The following PCDHA10 variants were observed in gnomAD, a reference collection of about 807,000 sequenced individuals.
PCDHA10 encodes the protein protocadherin alpha-10.
Under a neutral mutation model 61.2 loss-of-function variants are expected in PCDHA10, and 45 were observed. The ratio of observed to expected loss-of-function variants is 0.74; its 90% CI spans 0.58 to 0.94. The LOEUF (loss-of-function observed/expected upper bound fraction) is 0.94, where lower values mean the gene tolerates loss of function less well. PCDHA10 is among the 40% of genes least tolerant of loss of function. The pLI, the probability that PCDHA10 is intolerant of heterozygous loss-of-function variation, is 0.00. For synonymous variants in PCDHA10, 602 were observed against 548.8 expected (o/e 1.10, Z -1.35); for missense variants, 1,278 against 1,236.2 (o/e 1.03, Z -0.51).
chr5:140,944,807 A>T (rs1472832230), intron 1 of PCDHA10, among the ~76,000 whole-genome samples: 1 of 152,214 alleles, frequency 6.6e-6, no homozygotes, highest in Non-Finnish European at 1.5e-5. Context: ...TCGAGGGTCC[A>T]CAGTGATCTT....
At chr5:140,969,982 G>A (rs1327490843) in intron 1 of PCDHA10, among the ~76,000 whole-genome samples, 1 of 152,184 alleles carries the variant, frequency 6.6e-6, no homozygotes, top group Non-Finnish European at 1.5e-5. Context: ...CAACTCTTCT[G>A]TAGAGGGCTG....
At chr5:140,992,486 A>G (rs2097515048) in intron 3 of PCDHA10, among the ~76,000 whole-genome samples, 1 of 152,182 alleles carries the variant, frequency 6.6e-6, no homozygotes, top group Non-Finnish European at 1.5e-5. Flanking sequence ...CCAGAGGCCA[A>G]TCTGTAAGGA....
intron 1 of PCDHA10, chr5:140,884,671 A>G (rs1554181819): frequency 1.3e-6 from 2 of 1,562,846 alleles, no homozygotes; most frequent in African/African-American, 2.7e-5. Context: ...AGGTAAGCTT[A>G]TATTTTAAAA....
chr5:140,883,297 A>G (rs782572580), intron 1 of PCDHA10: 2 of 1,614,132 alleles, frequency 1.2e-6, no homozygotes, highest in Non-Finnish European at 1.7e-6. Flanking sequence ...TACTAGATGT[A>G]AATGATAACG....
intron 1 of PCDHA10, among the ~76,000 whole-genome samples, chr5:140,925,953 C>T (rs1438087673): frequency 1.3e-5 from 2 of 152,090 alleles, no homozygotes; most frequent in Non-Finnish European, 2.9e-5. Context: ...GAAGGAGAAA[C>T]TGCTATCACG....
intron 1 of PCDHA10, chr5:140,876,542 T>C (rs782388773): frequency 5.0e-6 from 8 of 1,614,194 alleles, no homozygotes; most frequent in Non-Finnish European, 5.9e-6. Flanking sequence ...TCACTGTCGC[T>C]CCCTGTGCAA....
chr5:141,007,653 C>T (rs373127730), intron 3 of PCDHA10, among the ~76,000 whole-genome samples: 1 of 152,126 alleles, frequency 6.6e-6, no homozygotes, highest in African/African-American at 2.4e-5. Context: ...GCCTAAAAAA[C>T]CATAAATTTA....
intron 1 of PCDHA10, among the ~76,000 whole-genome samples, chr5:140,974,018 T>C (rs2096611642): frequency 1.3e-5 from 2 of 152,222 alleles, no homozygotes; most frequent in Non-Finnish European, 1.5e-5. Context: ...CATGTGATAA[T>C]ACAACTATAA....
At chr5:140,883,705 T>G (rs251380) in intron 1 of PCDHA10, 1,065,865 of 1,613,504 alleles carry the variant, frequency 0.66, 353,266 homozygotes, top group Middle Eastern at 0.71. Flanking sequence ...CGGTGTCTGC[T>G]CAGGACGCGG....
intron 1 of PCDHA10, among the ~76,000 whole-genome samples, chr5:140,942,026 A>G (rs1394001505): frequency 6.6e-6 from 1 of 152,194 alleles, no homozygotes; most frequent in Non-Finnish European, 1.5e-5. Flanking sequence ...GGAAAAAATA[A>G]TTCATAAACC....
Position 140,858,024 on chromosome 5 carries a change from C to G in PCDHA10, c.1976C>G (p.Thr659Arg). 6.3e-7 allele frequency: 1 copy of G among 1,596,700 alleles called. No individual in the cohort carries two copies. The highest frequency in any genetic ancestry group is 8.6e-7 in the Non-Finnish European group (1 of 1,167,012). The part of the protein sequence containing the change: ...LVKDHGEPSL[T>R]ATATVLVSLV... The stretch of plus-strand genomic sequence containing the variant: ...AAGGACCATGGCGAGCCGTCGCTGA[C>G]GGCCACGGCCACTGTGCTTGTGTCG... Residue 659 changes from threonine to arginine, a missense_variant, in exon 1 of 4, where the codon ACG (threonine) becomes AGG (arginine). Thr to Arg is a moderately conservative substitution (Grantham distance 71). Coordinates refer to ENST00000307360, the MANE Select transcript of PCDHA10 (RefSeq NM_018901.4).
chr5:140,905,617 G>T (rs1019062717), intron 1 of PCDHA10, among the ~76,000 whole-genome samples: 8 of 152,116 alleles, frequency 5.3e-5, no homozygotes, highest in Non-Finnish European at 1.5e-5. Context: ...TCTATAGATT[G>T]CTTTTGACAG....
In PCDHA10 at chr5:140,927,984, A is replaced by G. The variant is rs112872627; in HGVS notation, c.2389-50965A>G. 5.7e-5 allele frequency: 92 copies of G among 1,614,218 alleles called. 4 individuals are homozygous for G. In the African/African-American group the frequency reaches 7.1e-4, roughly 12 times the overall value. Reference sequence around the variant, plus strand: ...GCACAGTGATTGCTCTCTTTAGTGTAAAGGATGAAGACCTCGATTCTAATG... The same window carrying G: ...GCACAGTGATTGCTCTCTTTAGTGTGAAGGATGAAGACCTCGATTCTAATG... On this transcript the variant is annotated intron_variant, in intron 1 of 3. Coordinates refer to ENST00000307360, the MANE Select transcript of PCDHA10 (RefSeq NM_018901.4).
chr5:140,896,687 T>G (rs782089227), intron 1 of PCDHA10, among the ~76,000 whole-genome samples: 2 of 152,170 alleles, frequency 1.3e-5, no homozygotes, highest in Non-Finnish European at 2.9e-5. Context: ...CTTTGCCCAT[T>G]TTTTGATGAG....
intron 1 of PCDHA10, among the ~76,000 whole-genome samples, chr5:140,964,816 T>A (rs79964853): frequency 0.016 from 2,494 of 151,960 alleles, 68 homozygotes; most frequent in African/African-American, 0.056. Context: ...CAGGAATAGA[T>A]TTTGATGAAA....
intron 1 of PCDHA10, among the ~76,000 whole-genome samples, chr5:140,902,203 C>CTTTT (rs148688132): frequency 2.0e-4 from 25 of 124,426 alleles, no homozygotes; most frequent in African/African-American, 2.5e-4. Flanking sequence ...CTCTCTCTTT[C>CTTTT]TTTTTTTTTT....
chr5:140,964,167 C>G (rs370784169), intron 1 of PCDHA10, among the ~76,000 whole-genome samples: 1 of 152,134 alleles, frequency 6.6e-6, no homozygotes, highest in Non-Finnish European at 1.5e-5. Flanking sequence ...GTGTGAGGAA[C>G]GAAATCATTA....
chr5:140,994,052 C>T (rs2097593082), intron 3 of PCDHA10, among the ~76,000 whole-genome samples: 1 of 152,134 alleles, frequency 6.6e-6, no homozygotes, highest in African/African-American at 2.4e-5. Context: ...CAGTCCTGCC[C>T]TTATAAATCT....
chr5:140,898,072 G>T (rs1412097602), intron 1 of PCDHA10, among the ~76,000 whole-genome samples: 1 of 152,012 alleles, frequency 6.6e-6, no homozygotes, highest in Non-Finnish European at 1.5e-5. Flanking sequence ...TGAGTTCATT[G>T]TAGATTCTGG....
Sources: allele counts gnomAD v4.1 joint callset (sites outside exome capture counted in the v4.1 genomes callset), GRCh38; gene constraint gnomAD v4.1.1; transcripts MANE v1.5; gene names NCBI Gene and HGNC (gene_info 2026-07-23, HGNC 2026-07-21).